Variants in FLNB observed in about 807,000 individuals in gnomAD.
The protein encoded by FLNB is filamin B, also known as filamin-B.
Under a neutral mutation model 250.6 loss-of-function variants are expected in FLNB, and 111 were observed. The ratio of observed to expected loss-of-function variants is 0.44; its 90% CI spans 0.38 to 0.52. The LOEUF (loss-of-function observed/expected upper bound fraction) is 0.52, where lower values mean the gene tolerates loss of function less well. FLNB is among the 20% of genes least tolerant of loss of function. The pLI, the probability that FLNB is intolerant of heterozygous loss-of-function variation, is 0.00. For missense variants in FLNB, 2,869 were observed against 3,447.8 expected (o/e 0.83, Z 4.20); for synonymous variants, 1,302 against 1,372.1 (o/e 0.95, Z 1.13).
chr3:58,044,369 G>A (rs148582777), intron 1 of FLNB, among the ~76,000 whole-genome samples: 21 of 152,218 alleles, frequency 1.4e-4, no homozygotes, highest in African/African-American at 4.3e-4. Flanking sequence ...GGCCAAGGTG[G>A]GAGGATCGCT....
intron 1 of FLNB, among the ~76,000 whole-genome samples, chr3:58,038,009 T>A (rs2097140520): frequency 6.6e-6 from 1 of 152,070 alleles, no homozygotes; most frequent in Admixed American, 6.6e-5. Flanking sequence ...CTGAGGCCTG[T>A]TCTTATTGTT....
intron 1 of FLNB, among the ~76,000 whole-genome samples, chr3:58,042,753 A>C (rs2097147870): frequency 6.6e-6 from 1 of 152,102 alleles, no homozygotes; most frequent in Non-Finnish European, 1.5e-5. Flanking sequence ...TCCTGGGGTC[A>C]AGTTATACTC....
intron 1 of FLNB, among the ~76,000 whole-genome samples, chr3:58,069,795 C>A (rs1382746703): frequency 6.6e-6 from 1 of 152,176 alleles, no homozygotes. Context: ...TCATGGCCCT[C>A]CTAATTAATT....
chr3:58,123,673 C>G lies in FLNB; in HGVS notation c.3707C>G (p.Pro1236Arg). ...VDTSRIKVFGPGIEGKDVFRE... is the reference protein window; with the variant it reads ...VDTSRIKVFGRGIEGKDVFRE... ...ACCAGCAGGATCAAAGTCTTTGGAC[C>G]AGGAATAGAAGGGAAAGGTGGGTTT... Residue 1236 changes from proline (P) to arginine (R), a missense_variant, in exon 21 of 46, where the codon CCA (proline) becomes CGA (arginine). By Grantham distance (103) the Pro-to-Arg change is moderately radical. Transcript: ENST00000295956. The G allele has an allele frequency of 6.4e-7, 1 of 1,569,968 alleles. No homozygotes were observed. The highest frequency in any genetic ancestry group is 8.7e-7 in the Non-Finnish European group (1 of 1,149,678).
intron 1 of FLNB, among the ~76,000 whole-genome samples, chr3:58,070,774 C>T (rs2097193209): frequency 6.6e-6 from 1 of 151,690 alleles, no homozygotes; most frequent in Admixed American, 6.6e-5. Flanking sequence ...ATTCTCTTGC[C>T]TCAGCCTCCC....
At chr3:58,154,670 T>C in intron 39 of FLNB, 121 bp from the exon 40 acceptor site, 1 of 1,060,186 alleles carries the variant, frequency 9.4e-7, no homozygotes. Flanking sequence ...TGCTTGGGGT[T>C]GGAGAAAGAG....
chr3:58,034,246 A>G (rs2097134910), intron 1 of FLNB, among the ~76,000 whole-genome samples: 1 of 152,232 alleles, frequency 6.6e-6, no homozygotes, highest in African/African-American at 2.4e-5. Context: ...GTGGAATGTT[A>G]GGATCATACA....
chr3:58,168,615 GC>G lies in FLNB; in HGVS notation c.7377del (p.Asn2460ThrfsTer12). The G allele has an allele frequency of 6.2e-7, 1 of 1,614,004 alleles. No homozygotes were observed. The highest frequency in any genetic ancestry group is 8.5e-7 in the Non-Finnish European group (1 of 1,179,996). On this transcript the variant is annotated frameshift_variant, in exon 44 of 46. Transcript: ENST00000295956. LOFTEE classifies it high-confidence loss of function. ...NYLISVKYGG[P>X]NHIVGSPFKA... is the part of the protein sequence containing the mutation. ...ACCTGATCAGCGTCAAATACGGTGGGCCCAACCACATCGTGGGCAGTCCCTT... is the reference window on the plus strand; with the variant it reads ...ACCTGATCAGCGTCAAATACGGTGGGCCAACCACATCGTGGGCAGTCCCTT...
chr3:58,047,665 C>T (rs9850554), intron 1 of FLNB, among the ~76,000 whole-genome samples: 8,632 of 151,966 alleles, frequency 0.057, 782 homozygotes, highest in African/African-American at 0.2. Flanking sequence ...CCTCTGCCTC[C>T]TGGGTTCAAG....
At chr3:58,031,508 C>T (rs2097131068) in intron 1 of FLNB, among the ~76,000 whole-genome samples, 1 of 142,150 alleles carries the variant, frequency 7.0e-6, no homozygotes, top group African/African-American at 2.7e-5. Context: ...TCCCAAAGTG[C>T]TAGGGGATTA....
At chr3:58,098,082 A>G in intron 7 of FLNB, 105 bp downstream of exon 7, 2 of 1,227,304 alleles carry the variant, frequency 1.6e-6, no homozygotes, top group Non-Finnish European at 2.4e-6. Context: ...TTTAAATCAA[A>G]TAAATAATCA....
chr3:58,043,650 C>T (rs1220420418), intron 1 of FLNB, among the ~76,000 whole-genome samples: 3 of 152,170 alleles, frequency 2.0e-5, no homozygotes, highest in African/African-American at 7.2e-5. Flanking sequence ...AGAAGGGCTT[C>T]TGGCATCTCT....
At chr3:58,040,319 T>G (rs2097144278) in intron 1 of FLNB, among the ~76,000 whole-genome samples, 1 of 152,198 alleles carries the variant, frequency 6.6e-6, no homozygotes, top group Non-Finnish European at 1.5e-5. Flanking sequence ...AACAGTTACC[T>G]TCTACCCTCA....
At chr3:58,018,618 C>T (rs969294682) in intron 1 of FLNB, among the ~76,000 whole-genome samples, 17 of 151,798 alleles carry the variant, frequency 1.1e-4, no homozygotes, top group African/African-American at 4.1e-4. Context: ...CGGGTTCCAG[C>T]GATTCTCCTG....
intron 1 of FLNB, among the ~76,000 whole-genome samples, chr3:58,049,854 G>T (rs2097159553): frequency 6.6e-6 from 1 of 152,114 alleles, no homozygotes; most frequent in Non-Finnish European, 1.5e-5. Context: ...ACTGCTCAGG[G>T]TAGTGTGAGA....
intron 28 of FLNB, among the ~76,000 whole-genome samples, chr3:58,138,010 A>T (rs565800135): frequency 2.0e-5 from 3 of 152,168 alleles, no homozygotes; most frequent in African/African-American, 4.8e-5. Flanking sequence ...TTGAAAGTCA[A>T]CCTTCATTGC....
At chr3:58,132,739 C>A in intron 25 of FLNB, 69 bp from the exon 26 acceptor site, 1 of 1,602,302 alleles carries the variant, frequency 6.2e-7, no homozygotes, top group South Asian at 1.1e-5. Context: ...GGTCCTATTT[C>A]AGACTCAGCC....
intron 43 of FLNB, chr3:58,165,011 C>T (rs1247064143): frequency 6.6e-6 from 1 of 152,290 alleles, no homozygotes; most frequent in African/African-American, 2.4e-5. Flanking sequence ...AACCAGGACC[C>T]CTGTCCTCCC....
At chr3:58,045,590 G>A (rs1375312095) in intron 1 of FLNB, among the ~76,000 whole-genome samples, 5 of 152,168 alleles carry the variant, frequency 3.3e-5, no homozygotes, top group Admixed American at 3.3e-4. Context: ...CCGATTTAAA[G>A]GAAGTAACTC....
Sources: allele counts gnomAD v4.1 joint callset (sites outside exome capture counted in the v4.1 genomes callset), GRCh38; gene constraint gnomAD v4.1.1; transcripts MANE v1.5; gene names NCBI Gene and HGNC (gene_info 2026-07-23, HGNC 2026-07-21).